The following DGKI variants were observed in gnomAD, a reference collection of about 807,000 sequenced individuals.
DGKI encodes DAG kinase iota.
In DGKI, 55 loss-of-function variants were observed where a neutral mutation model predicts 147.5. That is an observed-to-expected ratio of 0.37 (90% CI 0.30 to 0.47). The LOEUF is 0.47. DGKI is among the 20% of genes least tolerant of loss of function. The pLI is 1.00. For missense variants in DGKI, 1,007 were observed against 1,323.8 expected (o/e 0.76, Z 3.71); for synonymous variants, 469 against 477.1 (o/e 0.98, Z 0.22).
At chr7:137,749,156 G>A (rs555915950) in intron 1 of DGKI, among the ~76,000 whole-genome samples, 21 of 152,250 alleles carry the variant, frequency 1.4e-4, no homozygotes, top group African/African-American at 5.1e-4. Flanking sequence ...TCAATAAACA[G>A]TAAAACCAGA....
chr7:137,575,655 C>T (rs1818945747), intron 17 of DGKI, among the ~76,000 whole-genome samples: 1 of 152,196 alleles, frequency 6.6e-6, no homozygotes, highest in Admixed American at 6.5e-5. Flanking sequence ...AATTTAATAG[C>T]CACGATTTTA....
intron 12 of DGKI, among the ~76,000 whole-genome samples, chr7:137,596,456 A>G (rs1405053630): frequency 6.6e-6 from 1 of 152,194 alleles, no homozygotes; most frequent in East Asian, 1.9e-4. Context: ...AATTCTTACT[A>G]AAGAAAGTTG....
At chr7:137,471,165 A>G (rs1333944004) in intron 23 of DGKI, among the ~76,000 whole-genome samples, 1 of 152,174 alleles carries the variant, frequency 6.6e-6, no homozygotes, top group Non-Finnish European at 1.5e-5. Context: ...CCTGGTTTGC[A>G]GTGGAATTGA....
rs777866513 is a variant in DGKI, at chr7:137,585,260, C to G, written c.1512G>C (p.Val504=). 1 of 1,614,002 alleles carries G rather than the reference C, an allele frequency of 6.2e-7. No homozygotes were observed. Among genetic ancestry groups the G allele is most frequent in the Non-Finnish European group, 8.5e-7 (1 of 1,180,022 alleles). The part of the protein sequence containing the change: ...VVQLDRWNLH[V]ERNPDLPPEE... ...CTGGAGGCAAGTCGGGGTTTCTTTC[C>G]ACATGGAGGTTCCAGCGATCTAGCT... The change falls in exon 14 of 33, where the codon GTG becomes GTC. Residue 504 remains valine, a synonymous_variant. Transcript: ENST00000614521.
intron 6 of DGKI, among the ~76,000 whole-genome samples, chr7:137,632,250 G>A (rs1821146752): frequency 6.6e-6 from 1 of 152,138 alleles, no homozygotes; most frequent in South Asian, 2.1e-4. Context: ...AGAGAGATGA[G>A]GGCAGATGTT....
chr7:137,426,163 C>T (rs935348519), intron 28 of DGKI, among the ~76,000 whole-genome samples: 1 of 152,164 alleles, frequency 6.6e-6, no homozygotes, highest in Admixed American at 6.5e-5. Flanking sequence ...GGTTGGGTTA[C>T]CCACAAAGGG....
At chr7:137,715,224 G>T (rs1278001809) in intron 1 of DGKI, among the ~76,000 whole-genome samples, 1 of 152,258 alleles carries the variant, frequency 6.6e-6, no homozygotes, top group African/African-American at 2.4e-5. Flanking sequence ...AACCTCCCTC[G>T]GTGATTCAAA....
In DGKI at chr7:137,846,161, TCA is replaced by T. The variant is rs58484819; in HGVS notation, c.401+299_401+300del. Among the ~76,000 whole-genome samples, 5,598 of 107,602 alleles carry T rather than the reference TCA, an allele frequency of 0.052. 117 individuals are homozygous for T. The highest frequency in any genetic ancestry group is 0.064 in the Non-Finnish European group (3,491 of 54,906). 70.6% of individuals were successfully genotyped at this position (107,602 alleles called of 152,430 possible). A position where few individuals can be genotyped will look rare whatever the true frequency, so the allele number is the denominator to read the frequency against. On this transcript the variant is annotated intron_variant, in intron 1 of 32. Transcript: ENST00000614521. The surrounding 1 kb of genome is among the most constrained non-coding windows in gnomAD (Gnocchi z 4.0). ...CTCTCTCTCTCTCTCTCTCTCTCTC[TCA>T]CACACACACACACACACACACACAC...
At chr7:137,587,056 G>A (rs1819430789) in intron 13 of DGKI, 41 bp downstream of exon 13, 1 of 1,411,070 alleles carries the variant, frequency 7.1e-7, no homozygotes, top group African/African-American at 1.5e-5. Context: ...AATCCGGTTT[G>A]TTGTTTGATG....
chr7:137,471,028 T>A (rs1429015161), intron 23 of DGKI, among the ~76,000 whole-genome samples: 1 of 152,228 alleles, frequency 6.6e-6, no homozygotes, highest in African/African-American at 2.4e-5. Flanking sequence ...CTGAAAGGAT[T>A]TTCTCTTTAA....
intron 3 of DGKI, among the ~76,000 whole-genome samples, chr7:137,665,293 A>G (rs1415780223): frequency 6.6e-6 from 1 of 152,242 alleles, no homozygotes; most frequent in African/African-American, 2.4e-5. Context: ...CTGAGAGCAC[A>G]CAGCCCTCTT....
At chr7:137,716,133 G>A (rs182803002) in intron 1 of DGKI, among the ~76,000 whole-genome samples, 1 of 152,304 alleles carries the variant, frequency 6.6e-6, no homozygotes, top group Admixed American at 6.5e-5. Flanking sequence ...GTAAGAGATT[G>A]CATTCACAAT....
intron 28 of DGKI, among the ~76,000 whole-genome samples, chr7:137,425,868 G>A (rs1812780209): frequency 1.3e-5 from 2 of 152,058 alleles, no homozygotes; most frequent in African/African-American, 4.8e-5. Flanking sequence ...AAAAAGAAAT[G>A]AACAAAGACT....
intron 21 of DGKI, among the ~76,000 whole-genome samples, chr7:137,490,268 A>G (rs1365903580): frequency 1.3e-5 from 2 of 152,210 alleles, no homozygotes; most frequent in Non-Finnish European, 2.9e-5. Context: ...CAAATTACTC[A>G]ACTTAGCTAC....
In DGKI at chr7:137,581,793, C is replaced by T. The variant is rs1005617484; in HGVS notation, c.1642+57G>A. The stretch of plus-strand genomic sequence containing the variant: ...TGATATACAAACAAAAGGGAACATG[C>T]AAAACACCTGCTAGAAACTTCCTCC... On this transcript the variant is annotated intron_variant, in intron 15 of 32. Transcript: ENST00000614521. The T allele has an allele frequency of 1.8e-5, 26 of 1,459,950 alleles. No individual in the cohort carries two copies. The African/African-American group carries it at 3.6e-4, about 20-fold the overall frequency. The allele number at this position is 1,459,950 out of a possible 1,614,324, so 90.4% of individuals were successfully genotyped here.
chr7:137,458,142 C>T (rs1328781711), intron 27 of DGKI, among the ~76,000 whole-genome samples: 1 of 152,134 alleles, frequency 6.6e-6, no homozygotes, highest in African/African-American at 2.4e-5. Flanking sequence ...GTTCAATACA[C>T]GATTGACTGA....
intron 8 of DGKI, among the ~76,000 whole-genome samples, chr7:137,613,800 T>C (rs551219614): frequency 6.6e-6 from 1 of 152,270 alleles, no homozygotes; most frequent in South Asian, 2.1e-4. Context: ...AATAACAGAC[T>C]TTTCCCCAAG....
At chr7:137,501,841 C>A (rs990249235) in intron 21 of DGKI, among the ~76,000 whole-genome samples, 1 of 152,128 alleles carries the variant, frequency 6.6e-6, no homozygotes, top group Non-Finnish European at 1.5e-5. Flanking sequence ...TGTGACCCCA[C>A]CCAAATCTCA....
At chr7:137,503,421 A>T (rs1023597708) in intron 21 of DGKI, among the ~76,000 whole-genome samples, 4 of 152,188 alleles carry the variant, frequency 2.6e-5, no homozygotes, top group Non-Finnish European at 5.9e-5. Context: ...AGTTAACACA[A>T]ACCAAACATA....
Sources: gnomAD v4.1 joint callset for allele counts (sites outside exome capture counted in the v4.1 genomes callset) on GRCh38, gnomAD v4.1.1 for gene constraint, Gnocchi (gnomAD v3.1) non-coding constraint, MANE v1.5 for transcripts, NCBI Gene and HGNC (gene_info 2026-07-23, HGNC 2026-07-21) for gene names.